The following HRH2 variants were observed in gnomAD, a reference collection of about 807,000 sequenced individuals.
HRH2 encodes the protein histamine H2 receptor.
In HRH2, 4 loss-of-function variants were observed where a neutral mutation model predicts 20.1. That is an observed-to-expected ratio of 0.20 (90% CI 0.10 to 0.45). HRH2 has a LOEUF of 0.45. Among genes scored for constraint, HRH2 ranks in the 20% least tolerant of loss-of-function variants. The probability of loss-of-function intolerance (pLI) is 0.99; values close to 1 mark genes in which losing one functional copy is unlikely to be tolerated. For synonymous variants in HRH2, 197 were observed against 200.7 expected, an observed-to-expected ratio of 0.98 and a Z score of 0.16; for missense variants, 250 against 461.6, an observed-to-expected ratio of 0.54 and a Z score of 4.20.
At position 175,677,098 on chromosome 5, in the gene HRH2, G is replaced by A. The variant is rs998253991; in HGVS notation, c.-525-5611G>A. Among the ~76,000 whole-genome samples the A allele has an allele frequency of 3.3e-5, 5 of 152,124 alleles. No individual in the cohort carries two copies. The highest frequency in any genetic ancestry group is 1.3e-4 in the Admixed American group (2 of 15,288). ...CAGCCTTGAACCCCTGGGCTCAAGC[G>A]ATCTTCCCACCTCGGCCTCCCGAGT... is the stretch of plus-strand genomic sequence containing the variant. On this transcript the variant is annotated intron_variant, in intron 1 of 2. Transcript: ENST00000636584. This position sits in a 1 kb window ranked among gnomAD's most constrained non-coding sequence, Gnocchi z 4.2.
chr5:175,697,089 G>A (rs1407541571), intron 2 of HRH2, among the ~76,000 whole-genome samples: 1 of 152,162 alleles, frequency 6.6e-6, no homozygotes, highest in Non-Finnish European at 1.5e-5. Flanking sequence ...GCTGGTGGGG[G>A]TGAGGGGTCC....
rs199745107 is a variant in HRH2, at chr5:175,683,989, C to T, written c.756C>T (p.Thr252=). The T allele has an allele frequency of 7.4e-5, 120 of 1,614,150 alleles. 1 individual carries two copies. Among genetic ancestry groups the T allele is most frequent in the Middle Eastern group, 4.9e-4 (3 of 6,062 alleles). Residue 252 remains threonine (T), a synonymous_variant, in exon 2 of 3, where the codon ACC becomes ACT. Transcript: ENST00000636584. ...AFIICWFPYF[T]AFVYRGLRGD... is the part of the protein sequence containing the mutation. ...TCATCTGCTGGTTTCCCTACTTCAC[C>T]GCGTTTGTGTACCGTGGGCTGAGAG...
At position 175,682,841 on chromosome 5, in the gene HRH2, C is replaced by T. The variant is rs184281453; in HGVS notation, c.-393C>T. Reference sequence around the variant, plus strand: ...TGACCCATCCTGCATGACACCAAAGCCACCGCCAGACAGTGCCTCGGATTC... The same window carrying T: ...TGACCCATCCTGCATGACACCAAAGTCACCGCCAGACAGTGCCTCGGATTC... On this transcript the variant is annotated 5_prime_UTR_variant, in exon 2 of 3. Coordinates refer to ENST00000636584, the MANE Select transcript of HRH2 (RefSeq NM_001367711.1). The T allele has an allele frequency of 1.1e-3, 228 of 205,374 alleles. 1 individual carries two copies. Among genetic ancestry groups the T allele is most frequent in the Admixed American group, 0.01 (195 of 19,186 alleles). 12.7% of individuals were successfully genotyped at this position (205,374 alleles called of 1,614,324 possible).
At chr5:175,658,357 C>T (rs1231913880) in intron 1 of HRH2, among the ~76,000 whole-genome samples, 1 of 152,178 alleles carries the variant, frequency 6.6e-6, no homozygotes, top group Non-Finnish European at 1.5e-5. Flanking sequence ...CTCCGCCTGG[C>T]CTGCGAGCCT....
Position 175,687,677 on chromosome 5 carries a change from A to G in HRH2, c.1076+3368A>G, listed in dbSNP as rs777784087. 6.6e-6 allele frequency among the ~76,000 whole-genome samples: 1 copy of G among 151,108 alleles called. No homozygotes were observed. Among genetic ancestry groups the G allele is most frequent in the Non-Finnish European group, 1.5e-5 (1 of 67,790 alleles). On this transcript the variant is annotated intron_variant, in intron 2 of 2. Transcript: ENST00000636584. The surrounding 1 kb of genome is among the most constrained non-coding windows in gnomAD (Gnocchi z 5.2). ...CACCATCCGCCCCTTCCTGACCCCT[A>G]CTGTCCACCCCTCATCACCTCTCCC...
intron 1 of HRH2, among the ~76,000 whole-genome samples, chr5:175,665,691 G>C (rs1187732360): frequency 3.3e-5 from 5 of 152,154 alleles, no homozygotes; most frequent in Non-Finnish European, 7.4e-5. Context: ...TTGTCAAACA[G>C]GCAGAAGGCA....
At position 175,683,488 on chromosome 5, in the gene HRH2, C is replaced by T; in HGVS notation, c.255C>T (p.Ser85=). The T allele has an allele frequency of 2.5e-6, 4 of 1,613,908 alleles. No homozygotes were observed. Among genetic ancestry groups the T allele is most frequent in the Non-Finnish European group, 3.4e-6 (4 of 1,179,972 alleles). ...SAIYQLSCKW[S]FGKVFCNIYT... ...TCTACCAGCTGTCCTGCAAGTGGAGCTTTGGCAAGGTCTTCTGCAATATCT... is the reference window on the plus strand; with the variant it reads ...TCTACCAGCTGTCCTGCAAGTGGAGTTTTGGCAAGGTCTTCTGCAATATCT... The change falls in exon 2 of 3, where the codon AGC becomes AGT. Residue 85 remains serine, a synonymous_variant. Transcript: ENST00000636584.
chr5:175,689,227 C>CCCTG (rs1224255248), intron 2 of HRH2, among the ~76,000 whole-genome samples: 1 of 152,236 alleles, frequency 6.6e-6, no homozygotes, highest in Non-Finnish European at 1.5e-5. Flanking sequence ...GTCTCCAAGG[C>CCCTG]CCTGCCCTGC....
At chr5:175,696,598 A>G (rs531366553) in intron 2 of HRH2, among the ~76,000 whole-genome samples, 1 of 152,112 alleles carries the variant, frequency 6.6e-6, no homozygotes, top group Admixed American at 6.5e-5. Context: ...CTCCATGCAC[A>G]CTCTTGCGGT....
rs1561732645 is a variant in HRH2 at position 175,686,211 on chromosome 5, T to C, written c.1076+1902T>C. On this transcript the variant is annotated intron_variant, in intron 2 of 2. Transcript: ENST00000636584. The surrounding 1 kb of genome is among the most constrained non-coding windows in gnomAD (Gnocchi z 4.7). ...CAAAGCTGACTTAGTTCACAAAGTA[T>C]AAAAAAATACAGGGATGTGGTTCAG... is the stretch of plus-strand genomic sequence containing the variant. 1 of 152,210 alleles carries C rather than the reference T, an allele frequency of 6.6e-6. No homozygotes were observed. The highest frequency in any genetic ancestry group is 1.5e-5 in the Non-Finnish European group (1 of 68,022). 9.4% of individuals were successfully genotyped at this position (152,210 alleles called of 1,614,324 possible). A position where few individuals can be genotyped will look rare whatever the true frequency, so the allele number is the denominator to read the frequency against.
chr5:175,684,127 G>T lies in HRH2; in HGVS notation c.894G>T (p.Gly298=), dbSNP rs771031564. The T allele has an allele frequency of 1.2e-6, 2 of 1,614,028 alleles. No individual in the cohort carries two copies. Among genetic ancestry groups the T allele is most frequent in the Admixed American group, 3.3e-5 (2 of 60,006 alleles). Residue 298 remains glycine (G), a synonymous_variant, in exon 2 of 3, where the codon GGG becomes GGT. Transcript: ENST00000636584. ...YAALNRDFRT[G]YQQLFCCRLA... Reference sequence around the variant, plus strand: ...CGCTGAACAGAGACTTCCGCACCGGGTACCAACAGCTCTTCTGCTGCAGGC... The same window carrying T: ...CGCTGAACAGAGACTTCCGCACCGGTTACCAACAGCTCTTCTGCTGCAGGC...
intron 2 of HRH2, among the ~76,000 whole-genome samples, chr5:175,705,094 A>G: frequency 6.6e-6 from 1 of 152,200 alleles, no homozygotes; most frequent in East Asian, 1.9e-4. Flanking sequence ...AAAAGACTCA[A>G]TATTATAAAG....
chr5:175,690,762 C>G (rs1406649324), intron 2 of HRH2, among the ~76,000 whole-genome samples: 2 of 152,110 alleles, frequency 1.3e-5, no homozygotes, highest in Non-Finnish European at 2.9e-5. Context: ...ACACTCCCTG[C>G]GTTCTATTCC....
intron 2 of HRH2, among the ~76,000 whole-genome samples, chr5:175,696,488 TC>T (rs1756581586): frequency 2.1e-4 from 2 of 9,518 alleles, no homozygotes; most frequent in African/African-American, 3.0e-3. Flanking sequence ...GGGCCAAGAC[TC>T]CCTCACATCT....
rs1756466852 is a variant in HRH2, at chr5:175,693,875, G to C, written c.1076+9566G>C. 6.6e-6 allele frequency among the ~76,000 whole-genome samples: 1 copy of C among 152,090 alleles called. No homozygotes were observed. Among genetic ancestry groups the C allele is most frequent in the Admixed American group, 6.6e-5 (1 of 15,260 alleles). ...CCCTTTTGTGGCTGCTGAGTTTCCT[G>C]CCGTCTCCCCCATTCACTCATCCCT... On this transcript the variant is annotated intron_variant, in intron 2 of 2. Coordinates refer to ENST00000636584, the MANE Select transcript of HRH2 (RefSeq NM_001367711.1). The surrounding 1 kb of genome is among the most constrained non-coding windows in gnomAD (Gnocchi z 4.4).
intron 1 of HRH2, among the ~76,000 whole-genome samples, chr5:175,671,839 G>C (rs148942436): frequency 2.2e-3 from 328 of 152,216 alleles, no homozygotes; most frequent in African/African-American, 7.7e-3. Context: ...AAAAGAAAGA[G>C]GGTGTAGAGC....
rs546567057 is a variant in HRH2 at position 175,707,926 on chromosome 5, A to T, written c.1224A>T (p.Arg408Ser). 1 of 398,800 alleles carries T rather than the reference A, an allele frequency of 2.5e-6. No individual in the cohort carries two copies. Among genetic ancestry groups the T allele is most frequent in the South Asian group, 1.3e-4 (1 of 7,828 alleles). 24.7% of individuals were successfully genotyped at this position (398,800 alleles called of 1,614,324 possible). A position where few individuals can be genotyped will look rare whatever the true frequency, so the allele number is the denominator to read the frequency against. The change falls in exon 3 of 3, where the codon AGA becomes AGT. Residue 408 changes from arginine (R) to serine (S), a missense_variant. Transcript: ENST00000636584. ...CACTGTCTGAGGAGCCACAGAAGAGACCTCCCCAGAAAGCGGTGAGGACGC... is the reference window on the plus strand; with the variant it reads ...CACTGTCTGAGGAGCCACAGAAGAGTCCTCCCCAGAAAGCGGTGAGGACGC... ...GEPLSEEPQK[R>S]PPQKAVRTLP...
chr5:175,705,926 G>A (rs934085813), intron 2 of HRH2, among the ~76,000 whole-genome samples: 55 of 152,128 alleles, frequency 3.6e-4, no homozygotes, highest in East Asian at 5.8e-4. Flanking sequence ...TCAAGTGATC[G>A]GCCTGCCTTG....
rs77087316 is a variant in HRH2, at chr5:175,704,873, G to A, written c.1077-2906G>A. On this transcript the variant is annotated intron_variant, in intron 2 of 2. Transcript: ENST00000636584. ...ACTTTTCTTCATAAAAATCTAGTAT[G>A]TCTTTTGTTAGATGAGTACCTGGGT... Among the ~76,000 whole-genome samples the A allele has an allele frequency of 2.8e-3, 424 of 151,852 alleles. 6 individuals carry two copies. The East Asian group carries it at 0.042, about 15-fold the overall frequency.
Sources: allele counts gnomAD v4.1 joint callset (sites outside exome capture counted in the v4.1 genomes callset), GRCh38; gene constraint gnomAD v4.1.1; non-coding constraint Gnocchi (gnomAD v3.1); transcripts MANE v1.5; gene names NCBI Gene and HGNC (gene_info 2026-07-23, HGNC 2026-07-21).